Variants in SGCE observed in about 807,000 individuals in gnomAD.
SGCE encodes the protein epsilon-sarcoglycan.
In SGCE, 26 loss-of-function variants were observed where a neutral mutation model predicts 57.8. The observed-to-expected ratio is 0.45, with a 90% CI of 0.33 to 0.62. The LOEUF is 0.62. Ranked by LOEUF, SGCE falls within the 20% of genes least tolerant of loss-of-function variation. The pLI is 0.02. For synonymous variants in SGCE, 183 were observed against 189.5 expected (o/e 0.97, Z 0.28); for missense variants, 468 against 548.6 (o/e 0.85, Z 1.47).
intron 10 of SGCE, 51 bp from the exon 11 acceptor site, chr7:94,585,566 C>G (rs760044960): frequency 2.3e-6 from 3 of 1,311,042 alleles, no homozygotes; most frequent in South Asian, 1.2e-5. Flanking sequence ...GGCATGGATA[C>G]TTTTAGATTT....
At position 94,598,768 on chromosome 7, in the gene SGCE, CACTT is replaced by C; in HGVS notation, c.1253+3_1253+6del. 6.3e-7 allele frequency: 1 copy of C among 1,587,522 alleles called. No homozygotes were observed. The highest frequency in any genetic ancestry group is 8.7e-7 in the Non-Finnish European group (1 of 1,155,746). On this transcript the variant is annotated splice_donor_5th_base_variant and intron_variant, in intron 9 of 10. Transcript: ENST00000648936. ...ATTAATAATTATGGCTCTAAGTGGA[CACTT>C]ACTGCTGCGTTTGCATCAATGGCAT...
chr7:94,588,837 G>A (rs889076419), intron 9 of SGCE, 105 bp from the exon 10 acceptor site: 1 of 1,262,072 alleles, frequency 7.9e-7, no homozygotes, highest in East Asian at 2.4e-5. Flanking sequence ...TATGACCCCA[G>A]TCATGTAATC....
intron 1 of SGCE, among the ~76,000 whole-genome samples, chr7:94,648,009 C>T (rs1022057283): frequency 5.3e-5 from 8 of 152,016 alleles, no homozygotes; most frequent in African/African-American, 1.7e-4. Flanking sequence ...CCACGATAGC[C>T]GAGCTGTGTA....
intron 1 of SGCE, among the ~76,000 whole-genome samples, chr7:94,652,015 T>C (rs1454956407): frequency 6.6e-6 from 1 of 152,086 alleles, no homozygotes; most frequent in Non-Finnish European, 1.5e-5. Context: ...ACTGGAGAAC[T>C]GGATTCCGAA....
intron 5 of SGCE, among the ~76,000 whole-genome samples, chr7:94,615,146 G>C (rs1438955187): frequency 1.3e-5 from 2 of 152,134 alleles, no homozygotes; most frequent in Non-Finnish European, 2.9e-5. Flanking sequence ...GGATCATGTG[G>C]TCAGGAGTTC....
intron 1 of SGCE, among the ~76,000 whole-genome samples, chr7:94,647,660 T>C (rs1443148899): frequency 6.6e-6 from 1 of 152,232 alleles, no homozygotes; most frequent in East Asian, 1.9e-4. Context: ...CATTTAACAT[T>C]GTGCTTACCC....
chr7:94,605,876 C>T (rs1161877609), intron 5 of SGCE, among the ~76,000 whole-genome samples: 37 of 152,074 alleles, frequency 2.4e-4, no homozygotes, highest in Non-Finnish European at 1.6e-4. Context: ...CGCCCTGTCA[C>T]CCAGGCTGGA....
At chr7:94,646,666 A>G (rs923492234) in intron 1 of SGCE, among the ~76,000 whole-genome samples, 1 of 148,468 alleles carries the variant, frequency 6.7e-6, no homozygotes, top group Non-Finnish European at 1.5e-5. Flanking sequence ...ATCTAGTGGA[A>G]AAGGATTAAA....
chr7:94,654,361 A>C (rs1808294299), intron 1 of SGCE, among the ~76,000 whole-genome samples: 1 of 152,164 alleles, frequency 6.6e-6, no homozygotes, highest in South Asian at 2.1e-4. Context: ...CAATTTTTAG[A>C]AAAATAATGT....
At chr7:94,647,905 T>C (rs1338596650) in intron 1 of SGCE, among the ~76,000 whole-genome samples, 1 of 152,156 alleles carries the variant, frequency 6.6e-6, no homozygotes, top group Non-Finnish European at 1.5e-5. Flanking sequence ...ATTACCATAG[T>C]TTTAAGGGCA....
At chr7:94,645,943 G>T (rs147774026) in intron 1 of SGCE, among the ~76,000 whole-genome samples, 2 of 152,060 alleles carry the variant, frequency 1.3e-5, no homozygotes, top group Non-Finnish European at 2.9e-5. Context: ...TAATAATACT[G>T]CACTCTCATT....
intron 1 of SGCE, among the ~76,000 whole-genome samples, chr7:94,639,990 A>G (rs1279376397): frequency 6.6e-6 from 1 of 152,214 alleles, no homozygotes; most frequent in African/African-American, 2.4e-5. Context: ...TGCCAATTAC[A>G]AGACACCTTG....
chr7:94,634,344 C>T (rs1562876291), intron 1 of SGCE, among the ~76,000 whole-genome samples: 1 of 152,094 alleles, frequency 6.6e-6, no homozygotes, highest in Non-Finnish European at 1.5e-5. Context: ...TCAATTGTTG[C>T]ACTCTGCTCT....
intron 5 of SGCE, among the ~76,000 whole-genome samples, chr7:94,614,120 A>C (rs1302381248): frequency 4.6e-5 from 7 of 151,306 alleles, no homozygotes; most frequent in Non-Finnish European, 1.0e-4. Flanking sequence ...AAAAAAAAAA[A>C]AAAAAAAAAA....
intron 6 of SGCE, among the ~76,000 whole-genome samples, chr7:94,601,192 A>G (rs2116699281): frequency 6.6e-6 from 1 of 152,168 alleles, no homozygotes; most frequent in African/African-American, 2.4e-5. Flanking sequence ...TTACACTACC[A>G]TGTAAATGTC....
intron 9 of SGCE, among the ~76,000 whole-genome samples, chr7:94,592,927 A>G (rs375582371): frequency 1.1e-4 from 16 of 152,298 alleles, no homozygotes; most frequent in African/African-American, 3.1e-4. Context: ...ATCATTTAAC[A>G]ATAAGAAATA....
intron 1 of SGCE, among the ~76,000 whole-genome samples, chr7:94,631,175 C>T (rs1804659321): frequency 6.6e-6 from 1 of 151,876 alleles, no homozygotes; most frequent in African/African-American, 2.4e-5. Context: ...GTGATCTTCC[C>T]CTGTGGCATT....
chr7:94,586,112 C>G (rs886377067), intron 10 of SGCE, among the ~76,000 whole-genome samples: 1 of 150,108 alleles, frequency 6.7e-6, no homozygotes, highest in Non-Finnish European at 1.5e-5. Flanking sequence ...TATACTTTCC[C>G]CTGATAAATT....
chr7:94,655,882 G>C, intron 1 of SGCE, 108 bp downstream of exon 1: 1 of 710,002 alleles, frequency 1.4e-6, no homozygotes, highest in East Asian at 2.7e-5. Context: ...GACAGAAAGA[G>C]AGGCTGGTGC....
Sources: gnomAD v4.1 joint callset for allele counts (sites outside exome capture counted in the v4.1 genomes callset) on GRCh38, gnomAD v4.1.1 for gene constraint, MANE v1.5 for transcripts, NCBI Gene and HGNC (gene_info 2026-07-23, HGNC 2026-07-21) for gene names.